The following SPATS2L variants were observed in gnomAD, a reference collection of about 807,000 sequenced individuals.
SPATS2L encodes the protein spermatogenesis associated serine rich 2 like.
Under a neutral mutation model 59.6 loss-of-function variants are expected in SPATS2L, and 30 were observed. The ratio of observed to expected loss-of-function variants is 0.50; its 90% CI spans 0.38 to 0.68. The LOEUF is 0.68. SPATS2L is among the 30% of genes least tolerant of loss of function. The pLI is 0.00. For missense variants in SPATS2L, 615 were observed against 700.0 expected (o/e 0.88, Z 1.37); for synonymous variants, 252 against 263.5 (o/e 0.96, Z 0.42).
intron 8 of SPATS2L, among the ~76,000 whole-genome samples, chr2:200,457,223 T>TACACAC (rs4035249): frequency 1.9e-4 from 28 of 148,122 alleles, no homozygotes; most frequent in South Asian, 6.5e-4. Context: ...AAAACATACA[T>TACACAC]ACACACACAC....
At chr2:200,466,388 A>G (rs921881805) in intron 9 of SPATS2L, among the ~76,000 whole-genome samples, 13 of 152,370 alleles carry the variant, frequency 8.5e-5, no homozygotes, top group Non-Finnish European at 1.8e-4. Context: ...CTATCTATTG[A>G]AAGATCCAGC....
At chr2:200,421,254 T>C (rs1017801560) in intron 6 of SPATS2L, among the ~76,000 whole-genome samples, 1 of 152,056 alleles carries the variant, frequency 6.6e-6, no homozygotes, top group South Asian at 2.1e-4. Context: ...CCTGGGAGCA[T>C]TGGGTATTGA....
chr2:200,374,677 A>AT (rs1472385838), intron 2 of SPATS2L, among the ~76,000 whole-genome samples: 2 of 152,188 alleles, frequency 1.3e-5, no homozygotes, highest in South Asian at 2.1e-4. Context: ...CATTAGTAAG[A>AT]TAAAACAGAC....
intron 2 of SPATS2L, among the ~76,000 whole-genome samples, chr2:200,358,555 T>C (rs970001217): frequency 6.6e-6 from 1 of 151,944 alleles, no homozygotes; most frequent in Non-Finnish European, 1.5e-5. Context: ...ATGCAGAAAA[T>C]CAGGAGTTAT....
chr2:200,326,879 C>A (rs1481383570), intron 1 of SPATS2L, among the ~76,000 whole-genome samples: 1 of 146,600 alleles, frequency 6.8e-6, no homozygotes, highest in Middle Eastern at 3.5e-3. Context: ...GGATTACAGG[C>A]GTGTGCCACC....
intron 1 of SPATS2L, among the ~76,000 whole-genome samples, chr2:200,317,323 T>C (rs1004421716): frequency 7.9e-5 from 12 of 152,236 alleles, no homozygotes; most frequent in African/African-American, 2.9e-4. Context: ...TTTTCTCATG[T>C]ATGAAGCAAA....
chr2:200,441,047 C>A (rs756343439), intron 8 of SPATS2L, among the ~76,000 whole-genome samples: 3 of 152,162 alleles, frequency 2.0e-5, no homozygotes, highest in Non-Finnish European at 4.4e-5. Context: ...TAAAACAAAA[C>A]CTCAACAAAG....
chr2:200,368,892 T>G (rs947145466), intron 2 of SPATS2L, among the ~76,000 whole-genome samples: 40 of 152,118 alleles, frequency 2.6e-4, no homozygotes, highest in African/African-American at 9.4e-4. Flanking sequence ...TACATATACA[T>G]ATATAAAATA....
At chr2:200,385,755 C>T (rs2081970618) in intron 2 of SPATS2L, among the ~76,000 whole-genome samples, 1 of 151,762 alleles carries the variant, frequency 6.6e-6, no homozygotes, top group Non-Finnish European at 1.5e-5. Context: ...TGCAGTGGTG[C>T]GATCTTGGCT....
intron 2 of SPATS2L, among the ~76,000 whole-genome samples, chr2:200,384,877 T>C (rs997656478): frequency 2.1e-4 from 32 of 152,208 alleles, no homozygotes; most frequent in Non-Finnish European, 4.0e-4. Flanking sequence ...TTTTAAAAAA[T>C]GTCTAAGCTA....
chr2:200,453,942 G>A (rs1215002405), intron 8 of SPATS2L, among the ~76,000 whole-genome samples: 1 of 152,104 alleles, frequency 6.6e-6, no homozygotes, highest in Non-Finnish European at 1.5e-5. Context: ...CTCTCCAGCA[G>A]TTCCCACCTT....
At chr2:200,428,584 C>T (rs947487720) in intron 6 of SPATS2L, among the ~76,000 whole-genome samples, 14 of 152,194 alleles carry the variant, frequency 9.2e-5, no homozygotes. Context: ...AGATGACTCA[C>T]AAACTCATCT....
At chr2:200,406,409 T>TAA (rs61166425) in intron 3 of SPATS2L, among the ~76,000 whole-genome samples, 24 of 131,246 alleles carry the variant, frequency 1.8e-4, no homozygotes, top group African/African-American at 3.9e-4. Flanking sequence ...AGCACAAGTT[T>TAA]AAAAAAAAAA....
chr2:200,434,693 A>G (rs894190241), intron 6 of SPATS2L, among the ~76,000 whole-genome samples: 1 of 152,172 alleles, frequency 6.6e-6, no homozygotes. Flanking sequence ...ATGCTAAAGC[A>G]AATTAGAATT....
chr2:200,345,667 A>C (rs2080488117), intron 2 of SPATS2L, among the ~76,000 whole-genome samples: 1 of 152,174 alleles, frequency 6.6e-6, no homozygotes, highest in Non-Finnish European at 1.5e-5. Flanking sequence ...ACTAGCTCCC[A>C]AGTGATGATC....
At chr2:200,314,745 A>G (rs1258614240) in intron 1 of SPATS2L, among the ~76,000 whole-genome samples, 2 of 152,216 alleles carry the variant, frequency 1.3e-5, no homozygotes, top group Non-Finnish European at 2.9e-5. Context: ...TACTGTAGCC[A>G]CTAGCTACAT....
intron 3 of SPATS2L, 198 bp downstream of exon 3, chr2:200,389,481 A>C: frequency 2.1e-6 from 1 of 484,808 alleles, no homozygotes; most frequent in Non-Finnish European, 3.7e-6. Context: ...TATGACACTC[A>C]TTTTTTCATT....
intron 2 of SPATS2L, among the ~76,000 whole-genome samples, chr2:200,348,394 T>TG (rs2080592249): frequency 6.6e-6 from 1 of 152,256 alleles, no homozygotes; most frequent in South Asian, 2.1e-4. Flanking sequence ...CAATTAGCTT[T>TG]GGGCAAGGCT....
intron 4 of SPATS2L, among the ~76,000 whole-genome samples, chr2:200,414,934 C>T (rs1262595227): frequency 6.6e-6 from 1 of 152,122 alleles, no homozygotes; most frequent in Admixed American, 6.5e-5. Flanking sequence ...AACTCACCAC[C>T]ACTTTCTGAT....
Sources: gnomAD v4.1 joint callset for allele counts (sites outside exome capture counted in the v4.1 genomes callset) on GRCh38, gnomAD v4.1.1 for gene constraint, MANE v1.5 for transcripts, NCBI Gene and HGNC (gene_info 2026-07-23, HGNC 2026-07-21) for gene names.